The following LCORL variants were observed in gnomAD, a reference collection of about 807,000 sequenced individuals.
The protein encoded by LCORL is ligand-dependent nuclear receptor corepressor-like protein.
Under a neutral mutation model 141.8 loss-of-function variants are expected in LCORL, and 41 were observed. The observed-to-expected ratio is 0.29, with a 90% CI of 0.23 to 0.38. The LOEUF (loss-of-function observed/expected upper bound fraction) is 0.38, where lower values mean the gene tolerates loss of function less well. Among genes scored for constraint, LCORL ranks in the 10% least tolerant of loss-of-function variants. LCORL has a pLI of 1.00. For synonymous variants in LCORL, 618 were observed against 694.1 expected (o/e 0.89, Z 1.72); for missense variants, 1,759 against 2,035.0 (o/e 0.86, Z 2.61).
At chr4:17,974,636 T>A (rs1415893330) in intron 1 of LCORL, among the ~76,000 whole-genome samples, 2 of 152,186 alleles carry the variant, frequency 1.3e-5, no homozygotes, top group East Asian at 3.9e-4. Flanking sequence ...GGTAACAGAG[T>A]AATGCTGGCC....
At chr4:17,955,761 A>G (rs1231884436) in intron 4 of LCORL, among the ~76,000 whole-genome samples, 1 of 152,140 alleles carries the variant, frequency 6.6e-6, no homozygotes, top group Non-Finnish European at 1.5e-5. Flanking sequence ...TAAAACACAG[A>G]TAAGATTCTG....
chr4:18,009,931 T>C (rs1272198736), intron 1 of LCORL, among the ~76,000 whole-genome samples: 1 of 152,110 alleles, frequency 6.6e-6, no homozygotes, highest in African/African-American at 2.4e-5. Flanking sequence ...CCCCACCCAG[T>C]GTGGATACCT....
intron 1 of LCORL, among the ~76,000 whole-genome samples, chr4:17,995,048 C>T (rs1396049601): frequency 6.6e-6 from 1 of 152,090 alleles, no homozygotes; most frequent in Non-Finnish European, 1.5e-5. Flanking sequence ...AATTATCTTT[C>T]CTCACATCAG....
intron 1 of LCORL, among the ~76,000 whole-genome samples, chr4:17,983,017 AG>A (rs1389921282): frequency 6.6e-6 from 1 of 152,208 alleles, no homozygotes. Flanking sequence ...TTTATTGAAA[AG>A]GAAGTCCTTT....
chr4:17,909,222 C>A lies in LCORL; in HGVS notation c.554G>T (p.Gly185Val), dbSNP rs759639568. The A allele has an allele frequency of 3.1e-6, 5 of 1,613,394 alleles. No homozygotes were observed. The highest frequency in any genetic ancestry group is 4.2e-6 in the Non-Finnish European group (5 of 1,179,740). ...ACATACTATACTTGGTCCAATTGAA[C>A]CATTTCTATTCTCTTGAGTTTTACC... Residue 185 changes from glycine (G) to valine (V), a missense_variant, in exon 5 of 8, where the codon GGT becomes GTT. Coordinates refer to ENST00000635767, the Ensembl canonical transcript of LCORL.
chr4:18,010,045 C>T (rs925950070), intron 1 of LCORL, among the ~76,000 whole-genome samples: 1 of 152,114 alleles, frequency 6.6e-6, no homozygotes, highest in Non-Finnish European at 1.5e-5. Context: ...AAAAGAGACA[C>T]CAGTGAATAA....
chr4:17,877,688 T>C (rs1727066208), exon 7 of LCORL: 2 of 1,230,354 alleles, frequency 1.6e-6, no homozygotes, highest in Non-Finnish European at 1.0e-6. Context: ...GACTTCGAGA[T>C]CTACAGGCAT....
intron 7 of LCORL, among the ~76,000 whole-genome samples, chr4:17,859,039 C>T (rs988473233): frequency 1.3e-5 from 2 of 152,152 alleles, no homozygotes; most frequent in African/African-American, 2.4e-5. Context: ...GATGATTTAA[C>T]TTAGAGTTTT....
At chr4:17,869,119 T>C (rs1726034431) in intron 7 of LCORL, among the ~76,000 whole-genome samples, 1 of 149,450 alleles carries the variant, frequency 6.7e-6, no homozygotes, top group Middle Eastern at 3.2e-3. Context: ...TCCTAGATCC[T>C]ATACCCAATA....
exon 8 of LCORL, chr4:17,843,313 T>G (rs1395995666): frequency 3.1e-6 from 5 of 1,611,470 alleles, no homozygotes; most frequent in Non-Finnish European, 4.2e-6. Context: ...GATCATGAAG[T>G]TCCAGAACCA....
intron 1 of LCORL, among the ~76,000 whole-genome samples, chr4:17,979,320 T>C (rs1436173733): frequency 6.6e-6 from 1 of 152,208 alleles, no homozygotes; most frequent in African/African-American, 2.4e-5. Flanking sequence ...TGTTTTCCAC[T>C]GTCTGTGCAT....
At chr4:17,968,661 T>C (rs1357742482) in intron 2 of LCORL, among the ~76,000 whole-genome samples, 1 of 152,156 alleles carries the variant, frequency 6.6e-6, no homozygotes, top group Non-Finnish European at 1.5e-5. Flanking sequence ...AGCCATACAG[T>C]CTCTTCACAA....
rs543307254 is a variant in LCORL, at chr4:17,842,188, G to C, written c.*3700C>G. The C allele has an allele frequency of 9.4e-5, 69 of 733,634 alleles. No homozygotes were observed. In the East Asian group the frequency reaches 1.8e-3, roughly 19 times the overall value. The allele number at this position is 733,634 out of a possible 1,614,324, so 45.4% of individuals were successfully genotyped here. A position where few individuals can be genotyped will look rare whatever the true frequency, so the allele number is the denominator to read the frequency against. ...GTACCAAGATGGCTAGAACAAGTAG[G>C]AGATACATGTGTTGAAAGGATTGTT... On this transcript the variant is annotated 3_prime_UTR_variant, in exon 8 of 8. Coordinates refer to ENST00000635767, the Ensembl canonical transcript of LCORL.
chr4:18,012,557 G>A (rs564523108), intron 1 of LCORL, among the ~76,000 whole-genome samples: 1 of 152,172 alleles, frequency 6.6e-6, no homozygotes, highest in Non-Finnish European at 1.5e-5. Context: ...TAGGACTCAA[G>A]ATAAATGATG....
chr4:17,844,120 C>A (rs1722694633), exon 8 of LCORL: 1 of 151,784 alleles, frequency 6.6e-6, no homozygotes, highest in African/African-American at 2.4e-5. Flanking sequence ...ATATTTTTGG[C>A]ATAACAAAAT....
chr4:17,910,192 TAGTAAGAAGTGTGGGATAAG>T (rs1377248298), intron 4 of LCORL, among the ~76,000 whole-genome samples: 1 of 152,190 alleles, frequency 6.6e-6, no homozygotes, highest in African/African-American at 2.4e-5. Context: ...TGAATGATTT[TAGTAAGAAGTGTGGGATAAG>T]AACAGATCAC....
chr4:17,972,887 T>C lies in LCORL; in HGVS notation c.155-2A>G. 7.2e-7 allele frequency: 1 copy of C among 1,386,496 alleles called. No homozygotes were observed. The highest frequency in any genetic ancestry group is 9.5e-7 in the Non-Finnish European group (1 of 1,056,340). The allele number at this position is 1,386,496 out of a possible 1,614,324, so 85.9% of individuals were successfully genotyped here. ...GCCCTTCTAAAATACTCTCAAAACC[T>C]GTGTTTTTAGAGAGAGAAAAGTATA... On this transcript the variant is annotated splice_acceptor_variant, in intron 1 of 7. Transcript: ENST00000635767. LOFTEE classifies it high-confidence loss of function.
chr4:17,937,246 T>C (rs1391279678), intron 4 of LCORL, among the ~76,000 whole-genome samples: 2 of 152,186 alleles, frequency 1.3e-5, no homozygotes, highest in Non-Finnish European at 2.9e-5. Flanking sequence ...TTCTAGCACA[T>C]TGTAATATGC....
intron 5 of LCORL, among the ~76,000 whole-genome samples, chr4:17,888,268 G>A (rs1231814608): frequency 5.9e-5 from 9 of 152,026 alleles, no homozygotes; most frequent in Admixed American, 5.2e-4. Flanking sequence ...AGGGTAAAAG[G>A]GGGAGACTGA....
Sources: gnomAD v4.1 joint callset for allele counts (sites outside exome capture counted in the v4.1 genomes callset) on GRCh38, gnomAD v4.1.1 for gene constraint, MANE v1.5 for transcripts, NCBI Gene and HGNC (gene_info 2026-07-23, HGNC 2026-07-21) for gene names.